GAMT: variants seen among roughly 807,000 people sequenced by gnomAD.
GAMT encodes epididymis secretory protein Li 20.
In GAMT, 26 loss-of-function variants were observed where a neutral mutation model predicts 26.9. The observed-to-expected ratio is 0.97, with a 90% CI of 0.71 to 1.34. The LOEUF is 1.34. GAMT is among the 40% of genes most tolerant of loss of function. The pLI is 0.00. For missense variants in GAMT, 412 were observed against 345.0 expected (o/e 1.19, Z -1.54); for synonymous variants, 169 against 149.6 (o/e 1.13, Z -0.95).
chr19:1,399,437 G>T lies in GAMT; in HGVS notation c.391+87C>A. ...CCCACTTGGGCTCTGTCCCCCCAGT[G>T]CACATCAGAGGGACCCCCACAAGCA... is the stretch of plus-strand genomic sequence containing the variant. On this transcript the variant is annotated intron_variant, in intron 3 of 5. Transcript: ENST00000252288. The surrounding 1 kb of genome is among the most constrained non-coding windows in gnomAD (Gnocchi z 6.2). 7.8e-7 allele frequency: 1 copy of T among 1,287,008 alleles called. No homozygotes were observed. Among genetic ancestry groups the T allele is most frequent in the Non-Finnish European group, 1.1e-6 (1 of 910,600 alleles). 79.7% of individuals were successfully genotyped at this position (1,287,008 alleles called of 1,614,324 possible). A position where few individuals can be genotyped will look rare whatever the true frequency, so the allele number is the denominator to read the frequency against.
chr19:1,397,775 G>A, intron 5 of GAMT: 1 of 1,352,284 alleles, frequency 7.4e-7, no homozygotes, highest in East Asian at 2.9e-5. Context: ...GACCTTGCCA[G>A]TGTGGCGGGT....
At chr19:1,398,115 T>C in intron 5 of GAMT, 5 of 993,298 alleles carry the variant, frequency 5.0e-6, no homozygotes, top group Non-Finnish European at 6.0e-6. Context: ...TTTGTTTTGT[T>C]GAGATGGAGT....
At chr19:1,398,644 C>G in intron 5 of GAMT, 1 of 1,091,402 alleles carries the variant, frequency 9.2e-7, no homozygotes, top group East Asian at 2.6e-5. Context: ...AGGTCTTGCT[C>G]TGTAGCCCAG....
chr19:1,399,248 C>G lies in GAMT; in HGVS notation c.392-53G>C. On this transcript the variant is annotated intron_variant, in intron 3 of 5. Transcript: ENST00000252288. This position sits in a 1 kb window ranked among gnomAD's most constrained non-coding sequence, Gnocchi z 6.2. ...TCAGGGCCGGGCTCAGCGCCTCACC[C>G]AGCCTCACCCGGCTCATCCCCCAGC... 1.3e-6 allele frequency: 2 copies of G among 1,585,078 alleles called. No individual in the cohort carries two copies. Among genetic ancestry groups the G allele is most frequent in the Admixed American group, 1.7e-5 (1 of 59,984 alleles).
At chr19:1,398,585 G>A (rs1380299982) in intron 5 of GAMT, 5 of 697,480 alleles carry the variant, frequency 7.2e-6, no homozygotes, top group East Asian at 2.7e-5. Flanking sequence ...ACAGGCACAC[G>A]CCACCACGCC....
chr19:1,399,876 G>A lies in GAMT; in HGVS notation c.244C>T (p.Pro82Ser), dbSNP rs1379245382. 20 of 1,605,956 alleles carry A rather than the reference G, an allele frequency of 1.2e-5. No homozygotes were observed. Among genetic ancestry groups the A allele is most frequent in the Non-Finnish European group, 1.6e-5 (19 of 1,177,038 alleles). ...TCGATGATCCAATGCTCATCAATGGGCGCCTCCTGCACCTTTGACGCTGCG... is the reference window on the plus strand; with the variant it reads ...TCGATGATCCAATGCTCATCAATGGACGCCTCCTGCACCTTTGACGCTGCG... ...AIAASKVQEA[P>S]IDEHWIIECN... The change falls in exon 2 of 6, where the codon CCC (proline) becomes TCC (serine). Residue 82 changes from proline (P) to serine (S), a missense_variant. Physicochemically the swap from Pro to Ser is moderately conservative, Grantham distance 74. Coordinates refer to ENST00000252288, the MANE Select transcript of GAMT (RefSeq NM_000156.6). This position sits in a 1 kb window ranked among gnomAD's most constrained non-coding sequence, Gnocchi z 6.2.
At position 1,398,905 on chromosome 19, in the gene GAMT, G is replaced by C. The variant is rs200762652; in HGVS notation, c.570+11C>G. ...TCCTGGAGACCCATGGGGAACTTCA[G>C]GTGGGCGCACCTCAAACATGATGGT... On this transcript the variant is annotated intron_variant, in intron 5 of 5. Coordinates refer to ENST00000252288, the MANE Select transcript of GAMT (RefSeq NM_000156.6). 6.2e-7 allele frequency: 1 copy of C among 1,613,174 alleles called. No homozygotes were observed. Among genetic ancestry groups the C allele is most frequent in the African/African-American group, 1.3e-5 (1 of 74,922 alleles).
In GAMT at chr19:1,397,409, G is replaced by A. The variant is rs751894166; in HGVS notation, c.661C>T (p.Arg221Cys). The A allele has an allele frequency of 1.9e-5, 31 of 1,611,742 alleles. No individual in the cohort carries two copies. Among genetic ancestry groups the A allele is most frequent in the South Asian group, 6.6e-5 (6 of 91,088 alleles). The stretch of plus-strand genomic sequence containing the variant: ...ATCATCTGTGGGAAGGCGTAGTAGC[G>A]GCAGTCGGCCGGTGGGACCAGCGCC... ...VMALVPPADC[R>C]YYAFPQMITP... The change falls in exon 6 of 6, where the codon CGC becomes TGC. Residue 221 changes from arginine to cysteine, a missense_variant. Transcript: ENST00000252288.
In GAMT at chr19:1,399,530, A is replaced by C. The variant is rs2144637427; in HGVS notation, c.385T>G (p.Phe129Val). 3.7e-6 allele frequency: 6 copies of C among 1,612,892 alleles called. No homozygotes were observed. Among genetic ancestry groups the C allele is most frequent in the Non-Finnish European group, 5.1e-6 (6 of 1,179,606 alleles). The change falls in exon 3 of 6, where the codon TTT becomes GTT. Residue 129 changes from phenylalanine to valine, a missense_variant. Phe to Val is a conservative substitution (Grantham distance 50). Coordinates refer to ENST00000252288, the MANE Select transcript of GAMT (RefSeq NM_000156.6). This position sits in a 1 kb window ranked among gnomAD's most constrained non-coding sequence, Gnocchi z 6.2. ...DVAPTLPDGH[F>V]DGILYDTYPL... Reference sequence around the variant, plus strand: ...ACGTCCCCTCACCCCTCACCATCAAAGTGACCGTCAGGCAGGGTGGGTGCC... The same window carrying C: ...ACGTCCCCTCACCCCTCACCATCAACGTGACCGTCAGGCAGGGTGGGTGCC...
Position 1,399,381 on chromosome 19 carries a change from G to A in GAMT, c.391+143C>T, listed in dbSNP as rs902497423. The A allele has an allele frequency of 3.1e-5, 32 of 1,017,976 alleles. No individual in the cohort carries two copies. The African/African-American group carries it at 3.2e-4, about 10-fold the overall frequency. The allele number at this position is 1,017,976 out of a possible 1,614,324, so 63.1% of individuals were successfully genotyped here. A position where few individuals can be genotyped will look rare whatever the true frequency, so the allele number is the denominator to read the frequency against. ...CCCCTCCGTGAGCATGCCCATCCCCGGTGCTCCGCCATCCCACAGCCAGGC... is the reference window on the plus strand; with the variant it reads ...CCCCTCCGTGAGCATGCCCATCCCCAGTGCTCCGCCATCCCACAGCCAGGC... On this transcript the variant is annotated intron_variant, in intron 3 of 5. Transcript: ENST00000252288. The surrounding 1 kb of genome is among the most constrained non-coding windows in gnomAD (Gnocchi z 6.2).
In GAMT at chr19:1,401,324, G is replaced by A. The variant is rs760366501; in HGVS notation, c.153C>T (p.His51=). The A allele has an allele frequency of 3.9e-6, 6 of 1,523,134 alleles. No homozygotes were observed. The Admixed American group carries it at 5.7e-5, about 15-fold the overall frequency. 94.4% of individuals were successfully genotyped at this position (1,523,134 alleles called of 1,614,324 possible). A position where few individuals can be genotyped will look rare whatever the true frequency, so the allele number is the denominator to read the frequency against. ...VMERWETPYM[H]ALAAAASSKG... is the part of the protein sequence containing the mutation. ...TGGAGGAGGCGGCGGCGGCCAGCGC[G>A]TGCATATAGGGGGTCTCCCAGCGCT... is the stretch of plus-strand genomic sequence containing the variant. Residue 51 remains histidine, a synonymous_variant, in exon 1 of 6, where the codon CAC becomes CAT. Coordinates refer to ENST00000252288, the MANE Select transcript of GAMT (RefSeq NM_000156.6).
chr19:1,400,328 A>G (rs73515066), intron 1 of GAMT, among the ~76,000 whole-genome samples: 6,538 of 151,622 alleles, frequency 0.043, 449 homozygotes, highest in African/African-American at 0.15. Flanking sequence ...TGCAGGGCTG[A>G]ACTAGGCTAT....
rs1296028546 is a variant in GAMT at position 1,399,751 on chromosome 19, C to T, written c.327+42G>A. ...CCCCCAGGAAGCAGTGCCCTCACCC[C>T]AAGGAGTGGGGGTCCTGGAGGGCCT... On this transcript the variant is annotated intron_variant, in intron 2 of 5. Coordinates refer to ENST00000252288, the MANE Select transcript of GAMT (RefSeq NM_000156.6). This position sits in a 1 kb window ranked among gnomAD's most constrained non-coding sequence, Gnocchi z 6.2. 1.3e-6 allele frequency: 2 copies of T among 1,539,520 alleles called. No homozygotes were observed. Among genetic ancestry groups the T allele is most frequent in the Non-Finnish European group, 8.8e-7 (1 of 1,142,818 alleles).
At chr19:1,400,397 G>A in intron 1 of GAMT, among the ~76,000 whole-genome samples, 1 of 152,118 alleles carries the variant, frequency 6.6e-6, no homozygotes, top group Non-Finnish European at 1.5e-5. Context: ...ACAGAGGCGG[G>A]CGGAACACAG....
chr19:1,398,612 T>TG (rs1487657464), intron 5 of GAMT: 3 of 250,948 alleles, frequency 1.2e-5, no homozygotes, highest in African/African-American at 1.1e-4. Flanking sequence ...GTTTTTTGTA[T>TG]TTTTTTTTTT....
At chr19:1,397,974 C>T in intron 5 of GAMT, 1 of 1,037,756 alleles carries the variant, frequency 9.6e-7, no homozygotes, top group Non-Finnish European at 1.2e-6. Flanking sequence ...ACTGCTGAAC[C>T]AGCAAAGACA....
rs879927012 is a variant in GAMT, at chr19:1,399,606, A to G, written c.328-19T>C. 1.7e-5 allele frequency: 27 copies of G among 1,609,342 alleles called. No individual in the cohort carries two copies. The highest frequency in any genetic ancestry group is 2.2e-5 in the Non-Finnish European group (26 of 1,178,026). On this transcript the variant is annotated intron_variant, in intron 2 of 5. Transcript: ENST00000252288. The surrounding 1 kb of genome is among the most constrained non-coding windows in gnomAD (Gnocchi z 6.2). The stretch of plus-strand genomic sequence containing the variant: ...GGATGACCTTGCAGAGGGGAAAAGA[A>G]AAAGAGAGGACAGGGTAGAGAGGTC...
chr19:1,399,808 TG>T lies in GAMT; in HGVS notation c.311del (p.Pro104HisfsTer10). 1 of 1,572,254 alleles carries T rather than the reference TG, an allele frequency of 6.4e-7. No individual in the cohort carries two copies. The highest frequency in any genetic ancestry group is 8.6e-7 in the Non-Finnish European group (1 of 1,159,656). On this transcript the variant is annotated frameshift_variant, in exon 2 of 6. Coordinates refer to ENST00000252288, the MANE Select transcript of GAMT (RefSeq NM_000156.6). LOFTEE classifies it high-confidence loss of function. This position sits in a 1 kb window ranked among gnomAD's most constrained non-coding sequence, Gnocchi z 6.2. The part of the protein sequence containing the change: ...GVFQRLRDWA[P>X]RQTHKVIPLK... ...AGAGGGGCACCTTGTGTGTCTGCCG[TG>T]GGGCCCAGTCCCGGAGCCGCTGGAA...
At chr19:1,398,184 G>T in intron 5 of GAMT, 1 of 652,048 alleles carries the variant, frequency 1.5e-6, no homozygotes, top group Non-Finnish European at 1.9e-6. Flanking sequence ...AGCAACCTCC[G>T]CCTCCCATGT....
Sources: allele counts gnomAD v4.1 joint callset (sites outside exome capture counted in the v4.1 genomes callset), GRCh38; gene constraint gnomAD v4.1.1; non-coding constraint Gnocchi (gnomAD v3.1); transcripts MANE v1.5; gene names NCBI Gene and HGNC (gene_info 2026-07-23, HGNC 2026-07-21).